Variants in UTRN observed in about 807,000 individuals in gnomAD.
The protein encoded by UTRN is dystrophin-related protein 1.
A neutral mutation model predicts 463.9 loss-of-function variants in UTRN; 283 were observed. The observed-to-expected ratio is 0.61, with a 90% CI of 0.55 to 0.67. UTRN has a LOEUF of 0.67. UTRN is among the 30% of genes least tolerant of loss of function. UTRN has a pLI of 0.00. For missense variants in UTRN, 3,922 were observed against 4,084.3 expected, an observed-to-expected ratio of 0.96 and a Z score of 1.08; for synonymous variants, 1,442 against 1,431.5, an observed-to-expected ratio of 1.01 and a Z score of -0.17.
chr6:144,313,030 G>A (rs915726690), intron 2 of UTRN, among the ~76,000 whole-genome samples: 2 of 152,176 alleles, frequency 1.3e-5, no homozygotes, highest in Non-Finnish European at 2.9e-5. Context: ...GGGTGGGAAG[G>A]TGGCTCCGCT....
intron 51 of UTRN, among the ~76,000 whole-genome samples, chr6:144,611,183 A>T (rs1004528118): frequency 6.6e-6 from 1 of 152,188 alleles, no homozygotes; most frequent in East Asian, 1.9e-4. Context: ...CATAATAAAA[A>T]CTCTCAACAT....
intron 51 of UTRN, among the ~76,000 whole-genome samples, chr6:144,599,800 A>G (rs1412029122): frequency 6.6e-6 from 1 of 152,138 alleles, no homozygotes; most frequent in Non-Finnish European, 1.5e-5. Flanking sequence ...GTACACAGGC[A>G]TACCCCCATC....
At chr6:144,562,733 G>A (rs1235092976) in intron 50 of UTRN, among the ~76,000 whole-genome samples, 1 of 152,106 alleles carries the variant, frequency 6.6e-6, no homozygotes, top group Non-Finnish European at 1.5e-5. Context: ...AATGGGATTG[G>A]TGGGTAGAAT....
At chr6:144,819,005 G>A (rs1779330654) in intron 65 of UTRN, among the ~76,000 whole-genome samples, 1 of 149,854 alleles carries the variant, frequency 6.7e-6, no homozygotes, top group Non-Finnish European at 1.5e-5. Context: ...TTCTTTTCAT[G>A]AATACCTTTT....
chr6:144,527,212 T>C (rs887103319), intron 41 of UTRN, among the ~76,000 whole-genome samples: 1 of 152,274 alleles, frequency 6.6e-6, no homozygotes, highest in African/African-American at 2.4e-5. Flanking sequence ...GCAAATTCTC[T>C]CAGTATTTGT....
chr6:144,772,080 C>G (rs1794126542), intron 59 of UTRN, 112 bp downstream of exon 59: 1 of 674,180 alleles, frequency 1.5e-6, no homozygotes, highest in Non-Finnish European at 2.1e-6. Flanking sequence ...GTTGCCCAGG[C>G]TGGAGTGCAG....
intron 53 of UTRN, among the ~76,000 whole-genome samples, chr6:144,716,649 G>T (rs1266008531): frequency 6.6e-6 from 1 of 152,038 alleles, no homozygotes; most frequent in Non-Finnish European, 1.5e-5. Flanking sequence ...CAGAGTTTAT[G>T]AAATAAAGAA....
chr6:144,423,575 A>G lies in UTRN; in HGVS notation c.261A>G (p.Val87=), dbSNP rs1244267340. The G allele has an allele frequency of 6.2e-7, 1 of 1,614,240 alleles. No individual in the cohort carries two copies. The highest frequency in any genetic ancestry group is 2.2e-5 in the East Asian group (1 of 44,886). Reference sequence around the variant, plus strand: ...CAAAGGAACGTGGTTCCACAAGGGTACATGCCTTAAATAACGTCAACAGAG... The same window carrying G: ...CAAAGGAACGTGGTTCCACAAGGGTGCATGCCTTAAATAACGTCAACAGAG... ...SLPKERGSTR[V]HALNNVNRVL... Residue 87 remains valine, a synonymous_variant, in exon 5 of 75, where the codon GTA becomes GTG. Coordinates refer to ENST00000367545, the MANE Select transcript of UTRN (RefSeq NM_007124.3).
intron 60 of UTRN, among the ~76,000 whole-genome samples, chr6:144,777,626 T>G (rs955798804): frequency 6.6e-6 from 1 of 152,232 alleles, no homozygotes; most frequent in Non-Finnish European, 1.5e-5. Flanking sequence ...TTTTCCTTTG[T>G]ATTTTGATTT....
intron 51 of UTRN, among the ~76,000 whole-genome samples, chr6:144,653,443 A>G (rs917680702): frequency 1.3e-5 from 2 of 152,000 alleles, no homozygotes; most frequent in African/African-American, 2.4e-5. Flanking sequence ...AAAATTAGCC[A>G]GATGTGGTGG....
At chr6:144,382,271 T>C (rs977954627) in intron 2 of UTRN, among the ~76,000 whole-genome samples, 4 of 152,234 alleles carry the variant, frequency 2.6e-5, no homozygotes, top group African/African-American at 9.6e-5. Context: ...TAGATTCCTA[T>C]ATGTGGCTTA....
intron 2 of UTRN, among the ~76,000 whole-genome samples, chr6:144,349,589 C>G (rs1777931556): frequency 6.6e-6 from 1 of 152,140 alleles, no homozygotes; most frequent in South Asian, 2.1e-4. Flanking sequence ...ATAATGGGCT[C>G]TTTTAGGTAG....
At position 144,745,114 on chromosome 6, in the gene UTRN, T is replaced by C. The variant is rs9403597; in HGVS notation, c.7940-3132T>C. On this transcript the variant is annotated intron_variant, in intron 54 of 74. Coordinates refer to ENST00000367545, the MANE Select transcript of UTRN (RefSeq NM_007124.3). Reference sequence around the variant, plus strand: ...CTCACTGTGAGGGTCGTTTCTAACATGACACCGGGGTTCTTCACTGGTGAA... The same window carrying C: ...CTCACTGTGAGGGTCGTTTCTAACACGACACCGGGGTTCTTCACTGGTGAA... Among the ~76,000 whole-genome samples the C allele has an allele frequency of 3.3e-3, 499 of 152,298 alleles. 16 individuals carry two copies. In the East Asian group the frequency reaches 0.077, roughly 24 times the overall value.
intron 58 of UTRN, among the ~76,000 whole-genome samples, chr6:144,759,463 G>A (rs1220548604): frequency 6.6e-6 from 1 of 152,062 alleles, no homozygotes; most frequent in Non-Finnish European, 1.5e-5. Flanking sequence ...GATGTACTGT[G>A]GTAGGCAAAA....
At position 144,485,483 on chromosome 6, in the gene UTRN, GC is replaced by G; in HGVS notation, c.3788del (p.Pro1263LeufsTer35). 1 of 1,614,170 alleles carries G rather than the reference GC, an allele frequency of 6.2e-7. No homozygotes were observed. Among genetic ancestry groups the G allele is most frequent in the Non-Finnish European group, 8.5e-7 (1 of 1,180,018 alleles). On this transcript the variant is annotated frameshift_variant, in exon 28 of 75. Coordinates refer to ENST00000367545, the MANE Select transcript of UTRN (RefSeq NM_007124.3). LOFTEE classifies it high-confidence loss of function. ...EERMKSTEVL[P>X]EKTDAVNEAL... ...AGCGGATGAAGAGCACAGAGGTCCT[GC>G]CTGAGAAGACGGATGCTGTCAACGA...
Position 144,796,724 on chromosome 6 carries a change from C to T in UTRN, c.9079-1100C>T, listed in dbSNP as rs7774756. Among the ~76,000 whole-genome samples, 940 of 152,036 alleles carry T rather than the reference C, an allele frequency of 6.2e-3. 8 individuals carry two copies. The highest frequency in any genetic ancestry group is 0.02 in the African/African-American group (814 of 41,486). On this transcript the variant is annotated intron_variant, in intron 63 of 74. Transcript: ENST00000367545. ...AAGTACAAGTCTACAGATATTTTGGCAAAGCATATCCAGTGATTTATCATT... is the reference window on the plus strand; with the variant it reads ...AAGTACAAGTCTACAGATATTTTGGTAAAGCATATCCAGTGATTTATCATT...
chr6:144,396,568 C>G (rs1221852128), intron 2 of UTRN, among the ~76,000 whole-genome samples: 1 of 151,866 alleles, frequency 6.6e-6, no homozygotes, highest in African/African-American at 2.4e-5. Context: ...TATTAATATG[C>G]CAAAAACGAT....
chr6:144,772,820 T>C (rs1476346176), intron 59 of UTRN, among the ~76,000 whole-genome samples: 1 of 152,204 alleles, frequency 6.6e-6, no homozygotes, highest in Non-Finnish European at 1.5e-5. Flanking sequence ...TTGTTTAACC[T>C]ACTTCCTCTG....
intron 39 of UTRN, among the ~76,000 whole-genome samples, chr6:144,519,209 T>C (rs1255519611): frequency 6.6e-6 from 1 of 152,220 alleles, no homozygotes; most frequent in South Asian, 2.1e-4. Flanking sequence ...TATTGATATT[T>C]ATCTTCTAAT....
Sources: allele counts gnomAD v4.1 joint callset (sites outside exome capture counted in the v4.1 genomes callset), GRCh38; gene constraint gnomAD v4.1.1; transcripts MANE v1.5; gene names NCBI Gene and HGNC (gene_info 2026-07-23, HGNC 2026-07-21).